Variants in ARHGAP25 observed in about 807,000 individuals in gnomAD.
ARHGAP25 encodes Rho GTPase activating protein 25.
A neutral mutation model predicts 71.0 loss-of-function variants in ARHGAP25; 34 were observed. The observed-to-expected ratio is 0.48, with a 90% CI of 0.36 to 0.64. ARHGAP25 has a LOEUF of 0.64. Among genes scored for constraint, ARHGAP25 ranks in the 30% least tolerant of loss-of-function variants. ARHGAP25 has a pLI of 0.00. For missense variants in ARHGAP25, 706 were observed against 805.1 expected (o/e 0.88, Z 1.49); for synonymous variants, 282 against 296.5 (o/e 0.95, Z 0.50).
chr2:68,776,290 T>G (rs933787977), intron 2 of ARHGAP25, among the ~76,000 whole-genome samples: 2 of 151,996 alleles, frequency 1.3e-5, no homozygotes, highest in African/African-American at 4.8e-5. Flanking sequence ...TGCAGGCCAC[T>G]GTAAGGACCT....
chr2:68,756,793 T>C (rs902751496), intron 1 of ARHGAP25, among the ~76,000 whole-genome samples: 18 of 151,952 alleles, frequency 1.2e-4, no homozygotes, highest in Admixed American at 7.9e-4. Flanking sequence ...TATGGCCCAC[T>C]CAAAGGGGAA....
In ARHGAP25 at chr2:68,824,995, G is replaced by A. The variant is rs370183679; in HGVS notation, c.1734-992G>A. On this transcript the variant is annotated intron_variant, in intron 10 of 10. Coordinates refer to ENST00000409202, the MANE Select transcript of ARHGAP25 (RefSeq NM_001007231.3). ...GAAACAAATTTCCAGTCACACAATCGGCATGTGTACACTCATTCCTAAGGG... is the reference window on the plus strand; with the variant it reads ...GAAACAAATTTCCAGTCACACAATCAGCATGTGTACACTCATTCCTAAGGG... Among the ~76,000 whole-genome samples, 7 of 152,150 alleles carry A rather than the reference G, an allele frequency of 4.6e-5. No homozygotes were observed. The East Asian group carries it at 7.7e-4, about 17-fold the overall frequency.
intron 5 of ARHGAP25, among the ~76,000 whole-genome samples, chr2:68,808,096 A>C (rs931931052): frequency 1.3e-5 from 2 of 151,326 alleles, no homozygotes; most frequent in South Asian, 4.2e-4. Context: ...ATTTCCTCCC[A>C]CCACCCCCTT....
chr2:68,815,349 G>A (rs114596847), intron 6 of ARHGAP25, among the ~76,000 whole-genome samples: 1 of 151,898 alleles, frequency 6.6e-6, no homozygotes, highest in African/African-American at 2.4e-5. Flanking sequence ...AAGCTGCTGC[G>A]TGTAGGCTGA....
chr2:68,821,869 C>T lies in ARHGAP25; in HGVS notation c.1201-471C>T, dbSNP rs1244699939. On this transcript the variant is annotated intron_variant, in intron 9 of 10. Coordinates refer to ENST00000409202, the MANE Select transcript of ARHGAP25 (RefSeq NM_001007231.3). ...GAACTTTATCTATTAAGGAGAGTAA[C>T]CAATTGTCTGATATGCATTGCAAAT... 2.0e-5 allele frequency among the ~76,000 whole-genome samples: 3 copies of T among 147,582 alleles called. No homozygotes were observed. In the East Asian group the frequency reaches 5.9e-4, roughly 29 times the overall value.
Position 68,816,517 on chromosome 2 carries a change from T to C in ARHGAP25, c.881+155T>C, listed in dbSNP as rs74917856. ...CACATAGCACTGAAGTAGCTTCCTGTATAATTTCAAGGATTCTGAAAACCT... is the reference window on the plus strand; with the variant it reads ...CACATAGCACTGAAGTAGCTTCCTGCATAATTTCAAGGATTCTGAAAACCT... On this transcript the variant is annotated intron_variant, in intron 7 of 10. Coordinates refer to ENST00000409202, the MANE Select transcript of ARHGAP25 (RefSeq NM_001007231.3). 1.5e-4 allele frequency: 98 copies of C among 649,636 alleles called. No individual in the cohort carries two copies. The East Asian group carries it at 2.6e-3, about 17-fold the overall frequency. The allele number at this position is 649,636 out of a possible 1,614,324, so 40.2% of individuals were successfully genotyped here.
chr2:68,777,000 T>C (rs1006330608), intron 2 of ARHGAP25, among the ~76,000 whole-genome samples: 1 of 152,200 alleles, frequency 6.6e-6, no homozygotes, highest in Non-Finnish European at 1.5e-5. Flanking sequence ...CTGGAGTCTC[T>C]GTCACTGCAG....
intron 2 of ARHGAP25, among the ~76,000 whole-genome samples, chr2:68,724,451 A>G (rs1318472731): frequency 6.6e-6 from 1 of 152,180 alleles, no homozygotes; most frequent in Non-Finnish European, 1.5e-5. Context: ...TCCACAGTGC[A>G]TGACCTCTGT....
intron 10 of ARHGAP25, among the ~76,000 whole-genome samples, chr2:68,824,329 G>A (rs1047857640): frequency 6.6e-6 from 1 of 152,186 alleles, no homozygotes; most frequent in Non-Finnish European, 1.5e-5. Context: ...AGCCCACACA[G>A]ATTCTACCTT....
intron 1 of ARHGAP25, among the ~76,000 whole-genome samples, chr2:68,755,441 T>C (rs1676419035): frequency 6.6e-6 from 1 of 152,206 alleles, no homozygotes. Context: ...ATATATATCA[T>C]ACTGGATTCT....
chr2:68,819,237 A>G lies in ARHGAP25; in HGVS notation c.1118A>G (p.Lys373Arg). The change falls in exon 9 of 11, where the codon AAA becomes AGA. Residue 373 changes from lysine to arginine, a missense_variant. Coordinates refer to ENST00000409202, the MANE Select transcript of ARHGAP25 (RefSeq NM_001007231.3). The part of the protein sequence containing the change: ...SPPAQKNDPK[K>R]APVARSSVGW... Reference sequence around the variant, plus strand: ...CCTGCCCAGAAAAATGACCCCAAGAAAGCTCCAGTGGCCCGAAGCTCTGTA... The same window carrying G: ...CCTGCCCAGAAAAATGACCCCAAGAGAGCTCCAGTGGCCCGAAGCTCTGTA... 2 of 1,614,136 alleles carry G rather than the reference A, an allele frequency of 1.2e-6. No individual in the cohort carries two copies. The highest frequency in any genetic ancestry group is 1.7e-6 in the Non-Finnish European group (2 of 1,180,018).
At position 68,819,229 on chromosome 2, in the gene ARHGAP25, C is replaced by A. The variant is rs1352028234; in HGVS notation, c.1110C>A (p.Asp370Glu). ...TGTCACCCCCTGCCCAGAAAAATGA[C>A]CCCAAGAAAGCTCCAGTGGCCCGAA... ...IPLSPPAQKN[D>E]PKKAPVARSS... Residue 370 changes from aspartate to glutamate, a missense_variant, in exon 9 of 11, where the codon GAC becomes GAA. Coordinates refer to ENST00000409202, the MANE Select transcript of ARHGAP25 (RefSeq NM_001007231.3). 6.2e-7 allele frequency: 1 copy of A among 1,614,162 alleles called. No individual in the cohort carries two copies. The highest frequency in any genetic ancestry group is 1.7e-5 in the Admixed American group (1 of 60,018).
At chr2:68,777,990 GC>G (rs1678043956) in intron 2 of ARHGAP25, among the ~76,000 whole-genome samples, 1 of 151,930 alleles carries the variant, frequency 6.6e-6, no homozygotes, top group South Asian at 2.1e-4. Flanking sequence ...CATGAATTTT[GC>G]CCCAACACTA....
chr2:68,765,809 T>C (rs1280200340), intron 1 of ARHGAP25, among the ~76,000 whole-genome samples: 3 of 152,226 alleles, frequency 2.0e-5, no homozygotes, highest in Non-Finnish European at 2.9e-5. Flanking sequence ...CCCACCCCAC[T>C]GCTAGCATTA....
intron 4 of ARHGAP25, among the ~76,000 whole-genome samples, chr2:68,790,523 C>T (rs1679096636): frequency 1.3e-5 from 2 of 152,192 alleles, no homozygotes; most frequent in Admixed American, 6.5e-5. Context: ...GAATCTCTAA[C>T]GTGGGTTGAC....
chr2:68,822,506 A>C lies in ARHGAP25; in HGVS notation c.1367A>C (p.Gln456Pro), dbSNP rs777933931. The C allele has an allele frequency of 1.9e-6, 3 of 1,614,240 alleles. No individual in the cohort carries two copies. In the African/African-American group the frequency reaches 4.0e-5, roughly 22 times the overall value. Reference protein sequence around the residue: ...NRKCFLTSAFQGANSSKMEIF... With the variant: ...NRKCFLTSAFPGANSSKMEIF... ...AAATGTTTCTTGACATCAGCTTTTC[A>C]GGGTGCCAACAGCAGCAAAATGGAG... is the stretch of plus-strand genomic sequence containing the variant. The change falls in exon 10 of 11, where the codon CAG becomes CCG. Residue 456 changes from glutamine to proline, a missense_variant. Transcript: ENST00000409202.
At chr2:68,784,105 G>A (rs1350128019) in intron 3 of ARHGAP25, among the ~76,000 whole-genome samples, 2 of 152,062 alleles carry the variant, frequency 1.3e-5, no homozygotes, top group South Asian at 2.1e-4. Flanking sequence ...GTTTGCAGCA[G>A]TCTCCTGGCC....
intron 4 of ARHGAP25, among the ~76,000 whole-genome samples, chr2:68,790,466 G>A (rs920956625): frequency 6.6e-6 from 1 of 152,200 alleles, no homozygotes; most frequent in African/African-American, 2.4e-5. Context: ...CAGGAGGTGA[G>A]GGGCAGGGCC....
intron 2 of ARHGAP25, among the ~76,000 whole-genome samples, chr2:68,719,381 T>TCTACCCAGC (rs1188787613): frequency 2.0e-5 from 3 of 149,022 alleles, no homozygotes; most frequent in African/African-American, 7.5e-5. Context: ...CAGAACCGAA[T>TCTACCCAGC]TGAATTGTAG....
Sources: gnomAD v4.1 joint callset for allele counts (sites outside exome capture counted in the v4.1 genomes callset) on GRCh38, gnomAD v4.1.1 for gene constraint, MANE v1.5 for transcripts, NCBI Gene and HGNC (gene_info 2026-07-23, HGNC 2026-07-21) for gene names.